Variants in ESYT3 observed in about 807,000 individuals in gnomAD.
ESYT3 encodes the protein extended synaptotagmin 3.
In ESYT3, 101 loss-of-function variants were observed where a neutral mutation model predicts 111.5. The ratio of observed to expected loss-of-function variants is 0.91; its 90% CI spans 0.77 to 1.07. The LOEUF is 1.07. Among genes scored for constraint, ESYT3 ranks in the 50% least tolerant of loss-of-function variants. The probability of loss-of-function intolerance (pLI) is 0.00; values close to 1 mark genes in which losing one functional copy is unlikely to be tolerated. For synonymous variants in ESYT3, 416 were observed against 446.8 expected (o/e 0.93, Z 0.87); for missense variants, 1,097 against 1,109.4 (o/e 0.99, Z 0.16).
At chr3:138,444,958 T>C (rs2031430188) in intron 1 of ESYT3, among the ~76,000 whole-genome samples, 1 of 152,176 alleles carries the variant, frequency 6.6e-6, no homozygotes, top group Admixed American at 6.5e-5. Flanking sequence ...CCCTCCAGCC[T>C]GGGGAGCCCT....
At chr3:138,444,210 G>C (rs2031370838) in intron 1 of ESYT3, among the ~76,000 whole-genome samples, 1 of 152,142 alleles carries the variant, frequency 6.6e-6, no homozygotes, top group Non-Finnish European at 1.5e-5. Context: ...ACTTTGCCTG[G>C]AATGCGTCGG....
At chr3:138,463,683 T>A (rs548886985) in intron 8 of ESYT3, among the ~76,000 whole-genome samples, 2 of 152,196 alleles carry the variant, frequency 1.3e-5, no homozygotes, top group Non-Finnish European at 1.5e-5. Context: ...AGTAAATGCA[T>A]GTGTATTTAC....
chr3:138,473,088 T>C, intron 18 of ESYT3: 1 of 1,405,380 alleles, frequency 7.1e-7, no homozygotes, highest in South Asian at 1.6e-5. Flanking sequence ...TGCTGGACTC[T>C]GGTTGGTAAG....
chr3:138,464,453 C>T lies in ESYT3; in HGVS notation c.1024C>T (p.Gln342Ter). Residue 342 changes from glutamine to a stop codon, truncating the protein, a stop_gained, in exon 9 of 23, where the codon CAG becomes TAG. Coordinates refer to ENST00000389567, the MANE Select transcript of ESYT3 (RefSeq NM_031913.5). LOFTEE classifies it high-confidence loss of function. ...DPYAKVSIGLQHFRSRTIYRN... is the reference protein window; with the variant it reads ...DPYAKVSIGL ...CTACGCCAAGGTGAGCATCGGCCTA[C>T]AGCATTTCCGGAGTAGGACCATCTA... The T allele has an allele frequency of 6.2e-7, 1 of 1,614,172 alleles. No homozygotes were observed. Among genetic ancestry groups the T allele is most frequent in the African/African-American group, 1.3e-5 (1 of 75,052 alleles).
At chr3:138,467,682 C>T (rs2033000431) in intron 11 of ESYT3, 73 bp downstream of exon 11, 7 of 1,429,644 alleles carry the variant, frequency 4.9e-6, no homozygotes, top group Non-Finnish European at 6.8e-6. Flanking sequence ...CAGCAGCTTG[C>T]TTCAGCCCAG....
At chr3:138,447,676 G>T (rs753688098) in intron 1 of ESYT3, among the ~76,000 whole-genome samples, 19 of 152,186 alleles carry the variant, frequency 1.2e-4, no homozygotes, top group Admixed American at 4.6e-4. Flanking sequence ...TTTCAGCAAA[G>T]TTGCCCAGAA....
chr3:138,455,092 C>A (rs1441958526), intron 2 of ESYT3, 102 bp from the exon 3 acceptor site: 4 of 1,431,448 alleles, frequency 2.8e-6, no homozygotes, highest in Non-Finnish European at 3.9e-6. Context: ...AACCCCCACC[C>A]CAAGACCAGG....
chr3:138,461,331 T>C (rs1483767168), intron 7 of ESYT3, among the ~76,000 whole-genome samples: 2 of 152,186 alleles, frequency 1.3e-5, no homozygotes, highest in Admixed American at 1.3e-4. Flanking sequence ...GAGGAGTAGC[T>C]GGTCCTGGAG....
Position 138,459,173 on chromosome 3 carries a change from AC to A in ESYT3, c.582-8del, listed in dbSNP as rs1398297315. The A allele has an allele frequency of 1.5e-5, 22 of 1,480,574 alleles. No homozygotes were observed. The highest frequency in any genetic ancestry group is 8.2e-5 in the Admixed American group (4 of 48,916). The allele number at this position is 1,480,574 out of a possible 1,614,324, so 91.7% of individuals were successfully genotyped here. A position where few individuals can be genotyped will look rare whatever the true frequency, so the allele number is the denominator to read the frequency against. On this transcript the variant is annotated splice_polypyrimidine_tract_variant and intron_variant, in intron 4 of 22. Transcript: ENST00000389567. The stretch of plus-strand genomic sequence containing the variant: ...CCCCTCCTCCCCACCTTCCTTTTCC[AC>A]CCCCCATTTCAGCTACATCGGGGAC...
chr3:138,437,893 C>T (rs2030842363), intron 1 of ESYT3, among the ~76,000 whole-genome samples: 1 of 152,070 alleles, frequency 6.6e-6, no homozygotes. Flanking sequence ...AGAAACAGGT[C>T]TGGGGAGGTT....
chr3:138,452,744 G>A (rs112250364), intron 2 of ESYT3, among the ~76,000 whole-genome samples: 5,723 of 152,196 alleles, frequency 0.038, 348 homozygotes, highest in African/African-American at 0.13. Context: ...AGGGCTCCAC[G>A]GCAGTCCCCA....
intron 17 of ESYT3, among the ~76,000 whole-genome samples, chr3:138,471,895 AC>A (rs1292211821): frequency 6.6e-6 from 1 of 152,170 alleles, no homozygotes; most frequent in Non-Finnish European, 1.5e-5. Context: ...TATCCCCTCA[AC>A]CAGAGTACAG....
intron 20 of ESYT3, 44 bp downstream of exon 20, chr3:138,474,396 G>A (rs748704786): frequency 1.4e-5 from 22 of 1,535,718 alleles, no homozygotes; most frequent in Non-Finnish European, 1.5e-5. Context: ...ACCCATTCAA[G>A]TATTTTCCAA....
intron 1 of ESYT3, among the ~76,000 whole-genome samples, chr3:138,449,533 T>A (rs1387775319): frequency 1.3e-5 from 2 of 152,152 alleles, no homozygotes; most frequent in Admixed American, 6.5e-5. Context: ...ATACTCTGAT[T>A]CAGTGGCATG....
chr3:138,437,098 A>G (rs2030765482), intron 1 of ESYT3, among the ~76,000 whole-genome samples: 1 of 151,900 alleles, frequency 6.6e-6, no homozygotes, highest in South Asian at 2.1e-4. Context: ...CACAACCCAT[A>G]TCCCAGGCTT....
At chr3:138,457,498 G>A (rs899263207) in intron 3 of ESYT3, 70 bp from the exon 4 acceptor site, 5 of 1,373,904 alleles carry the variant, frequency 3.6e-6, no homozygotes, top group African/African-American at 2.9e-5. Flanking sequence ...GCCCAGTGCC[G>A]GGGGGAGAGC....
At chr3:138,449,940 T>G (rs2031816153) in intron 1 of ESYT3, among the ~76,000 whole-genome samples, 1 of 152,090 alleles carries the variant, frequency 6.6e-6, no homozygotes, top group African/African-American at 2.4e-5. Context: ...GAGCTTCCAG[T>G]GTGTAGGGAG....
chr3:138,443,949 C>T (rs1035374913), intron 1 of ESYT3, among the ~76,000 whole-genome samples: 9 of 152,214 alleles, frequency 5.9e-5, no homozygotes, highest in African/African-American at 1.9e-4. Flanking sequence ...AAAACCTTGG[C>T]TCCGATGGGA....
Position 138,471,000 on chromosome 3 carries a change from C to T in ESYT3, c.1714C>T (p.Leu572Phe). 1 of 1,614,094 alleles carries T rather than the reference C, an allele frequency of 6.2e-7. No homozygotes were observed. The highest frequency in any genetic ancestry group is 8.5e-7 in the Non-Finnish European group (1 of 1,180,018). The part of the protein sequence containing the change: ...FQLDHSGLDS[L>F]ISMRLVLRFL... ...GCTGGACCACTCAGGCCTGGACAGCCTCATCTCCATGAGGCTGGTGCTTCG... is the reference window on the plus strand; with the variant it reads ...GCTGGACCACTCAGGCCTGGACAGCTTCATCTCCATGAGGCTGGTGCTTCG... The change falls in exon 17 of 23, where the codon CTC (leucine) becomes TTC (phenylalanine). Residue 572 changes from leucine to phenylalanine, a missense_variant. By Grantham distance (22) the Leu-to-Phe change is conservative. Coordinates refer to ENST00000389567, the MANE Select transcript of ESYT3 (RefSeq NM_031913.5).
Sources: gnomAD v4.1 joint callset for allele counts (sites outside exome capture counted in the v4.1 genomes callset) on GRCh38, gnomAD v4.1.1 for gene constraint, MANE v1.5 for transcripts, NCBI Gene and HGNC (gene_info 2026-07-23, HGNC 2026-07-21) for gene names.